The following CCSER1 variants were observed in gnomAD, a reference collection of about 807,000 sequenced individuals.
The protein encoded by CCSER1 is serine-rich coiled-coil domain-containing protein 1.
Under a neutral mutation model 82.0 loss-of-function variants are expected in CCSER1, and 41 were observed. The observed-to-expected ratio is 0.50, with a 90% CI of 0.39 to 0.65. The LOEUF (loss-of-function observed/expected upper bound fraction) is 0.65, where lower values mean the gene tolerates loss of function less well. Ranked by LOEUF, CCSER1 falls within the 30% of genes least tolerant of loss-of-function variation. The probability of loss-of-function intolerance (pLI) is 0.00; values close to 1 mark genes in which losing one functional copy is unlikely to be tolerated. For missense variants in CCSER1, 1,119 were observed against 1,064.2 expected (o/e 1.05, Z -0.72); for synonymous variants, 414 against 383.9 (o/e 1.08, Z -0.92).
chr4:90,957,038 A>G (rs1315966799), intron 9 of CCSER1, among the ~76,000 whole-genome samples: 2 of 147,306 alleles, frequency 1.4e-5, no homozygotes, highest in Non-Finnish European at 3.0e-5. Flanking sequence ...TTGGCCTACC[A>G]AAGTGCTAGG....
intron 10 of CCSER1, among the ~76,000 whole-genome samples, chr4:91,114,902 T>G (rs1726412302): frequency 6.6e-6 from 1 of 152,220 alleles, no homozygotes; most frequent in African/African-American, 2.4e-5. Context: ...CCACAGATTT[T>G]AAAATGTAAG....
intron 8 of CCSER1, among the ~76,000 whole-genome samples, chr4:90,835,309 C>A (rs185113701): frequency 6.6e-6 from 1 of 151,842 alleles, no homozygotes; most frequent in African/African-American, 2.4e-5. Flanking sequence ...CTAGCCCGGG[C>A]GACAGAGCCA....
chr4:90,503,449 A>G (rs1003326232), intron 5 of CCSER1, among the ~76,000 whole-genome samples: 1 of 152,186 alleles, frequency 6.6e-6, no homozygotes, highest in African/African-American at 2.4e-5. Context: ...TTTAGGGTAC[A>G]TGTGCACAAC....
At chr4:90,852,056 A>T (rs1348288545) in intron 8 of CCSER1, among the ~76,000 whole-genome samples, 1 of 152,236 alleles carries the variant, frequency 6.6e-6, no homozygotes, top group Non-Finnish European at 1.5e-5. Flanking sequence ...AAAATTATTA[A>T]CTATAACAGT....
At chr4:90,407,581 CAT>C (rs1210922828) in intron 4 of CCSER1, among the ~76,000 whole-genome samples, 2 of 152,132 alleles carry the variant, frequency 1.3e-5, no homozygotes, top group African/African-American at 4.8e-5. Flanking sequence ...CCCTGATGAA[CAT>C]AGATGCAAAA....
intron 10 of CCSER1, among the ~76,000 whole-genome samples, chr4:91,110,056 A>G (rs899992791): frequency 6.6e-6 from 1 of 152,060 alleles, no homozygotes; most frequent in Non-Finnish European, 1.5e-5. Context: ...TAAGCAAATT[A>G]AAGAAATTTA....
chr4:90,390,987 G>A (rs1303653176), intron 3 of CCSER1, among the ~76,000 whole-genome samples: 1 of 151,540 alleles, frequency 6.6e-6, no homozygotes, highest in South Asian at 2.1e-4. Flanking sequence ...TTCTGGGCTG[G>A]GCATGGTGGC....
At chr4:91,261,054 C>T (rs546928316) in intron 10 of CCSER1, among the ~76,000 whole-genome samples, 1 of 152,340 alleles carries the variant, frequency 6.6e-6, no homozygotes, top group East Asian at 1.9e-4. Context: ...TGGGCCACCA[C>T]GCCCGGCTTC....
chr4:90,746,668 G>C (rs530106805), intron 7 of CCSER1, among the ~76,000 whole-genome samples: 22 of 152,266 alleles, frequency 1.4e-4, no homozygotes, highest in Non-Finnish European at 2.6e-4. Flanking sequence ...CTGATAATCA[G>C]TGTCTGAGAT....
intron 10 of CCSER1, among the ~76,000 whole-genome samples, chr4:91,363,068 CT>C (rs2149314576): frequency 6.6e-6 from 1 of 151,674 alleles, no homozygotes; most frequent in South Asian, 2.1e-4. Context: ...TTTTCTTTTT[CT>C]TTTTTGTCCA....
intron 10 of CCSER1, among the ~76,000 whole-genome samples, chr4:91,556,087 C>G (rs1252471880): frequency 6.6e-6 from 1 of 151,246 alleles, no homozygotes; most frequent in African/African-American, 2.4e-5. Context: ...GCACATAACA[C>G]ATATGTGTTT....
chr4:91,435,504 A>C (rs566715594), intron 10 of CCSER1, among the ~76,000 whole-genome samples: 3 of 152,184 alleles, frequency 2.0e-5, no homozygotes, highest in Non-Finnish European at 4.4e-5. Flanking sequence ...TTAAATACTC[A>C]AAAATAAATT....
chr4:91,076,710 A>G (rs543685345), intron 9 of CCSER1, among the ~76,000 whole-genome samples: 2 of 152,160 alleles, frequency 1.3e-5, no homozygotes, highest in African/African-American at 4.8e-5. Context: ...TCCAGCTTTC[A>G]TTGCTAGAAA....
chr4:90,158,061 G>A (rs1046526557), intron 1 of CCSER1, among the ~76,000 whole-genome samples: 1 of 152,122 alleles, frequency 6.6e-6, no homozygotes, highest in Admixed American at 6.5e-5. Flanking sequence ...TGGTGTGGAT[G>A]TCCTTTCTGT....
At chr4:90,357,831 C>A (rs1368128948) in intron 3 of CCSER1, among the ~76,000 whole-genome samples, 2 of 151,954 alleles carry the variant, frequency 1.3e-5, no homozygotes, top group African/African-American at 4.8e-5. Context: ...TCTTTGCTAG[C>A]AAGAAGCAGT....
chr4:91,284,263 A>T (rs1743115850), intron 10 of CCSER1, among the ~76,000 whole-genome samples: 1 of 152,152 alleles, frequency 6.6e-6, no homozygotes, highest in Non-Finnish European at 1.5e-5. Flanking sequence ...TGCCACAGCT[A>T]ATGAGAACTT....
intron 5 of CCSER1, among the ~76,000 whole-genome samples, chr4:90,473,379 T>C (rs1357846371): frequency 1.3e-5 from 2 of 152,174 alleles, no homozygotes; most frequent in East Asian, 3.8e-4. Context: ...TATATTATTT[T>C]ATATAAATAA....
chr4:90,515,838 A>G (rs576706874), intron 5 of CCSER1, among the ~76,000 whole-genome samples: 1 of 152,202 alleles, frequency 6.6e-6, no homozygotes, highest in Non-Finnish European at 1.5e-5. Context: ...CAGAGACTAT[A>G]CCTTTAACTA....
chr4:91,347,860 A>AG (rs1553926472), intron 10 of CCSER1, among the ~76,000 whole-genome samples: 1 of 117,650 alleles, frequency 8.5e-6, no homozygotes, highest in African/African-American at 3.5e-5. Context: ...TAGTGCCAGT[A>AG]GTTTTTTTTT....
Sources: gnomAD v4.1 joint callset for allele counts (sites outside exome capture counted in the v4.1 genomes callset) on GRCh38, gnomAD v4.1.1 for gene constraint, MANE v1.5 for transcripts, NCBI Gene and HGNC (gene_info 2026-07-23, HGNC 2026-07-21) for gene names.